Variants in AK5 observed in about 807,000 individuals in gnomAD.
The protein encoded by AK5 is adenylate kinase 5, also known as adenylate kinase isoenzyme 5.
Under a neutral mutation model 69.5 loss-of-function variants are expected in AK5, and 27 were observed. That is an observed-to-expected ratio of 0.39 (90% CI 0.29 to 0.54). The LOEUF (loss-of-function observed/expected upper bound fraction) is 0.54, where lower values mean the gene tolerates loss of function less well. AK5 is among the 20% of genes least tolerant of loss of function. The pLI, the probability that AK5 is intolerant of heterozygous loss-of-function variation, is 0.71. For missense variants in AK5, 531 were observed against 700.4 expected (o/e 0.76, Z 2.73); for synonymous variants, 260 against 244.4 (o/e 1.06, Z -0.60).
At position 77,404,333 on chromosome 1, in the gene AK5, G is replaced by A. The variant is rs181377801; in HGVS notation, c.892-6648G>A. ...CAAGTAGCCCCCTGACCCCCTGCAAGTGTGACAACCAAAAATGTCTCCTGC... is the reference window on the plus strand; with the variant it reads ...CAAGTAGCCCCCTGACCCCCTGCAAATGTGACAACCAAAAATGTCTCCTGC... On this transcript the variant is annotated intron_variant, in intron 6 of 13. Coordinates refer to ENST00000354567, the MANE Select transcript of AK5 (RefSeq NM_174858.3). Among the ~76,000 whole-genome samples, 5 of 152,130 alleles carry A rather than the reference G, an allele frequency of 3.3e-5. No homozygotes were observed. The East Asian group carries it at 5.8e-4, about 18-fold the overall frequency.
At chr1:77,438,294 C>CAAAAAAAAAA (rs56019139) in intron 8 of AK5, among the ~76,000 whole-genome samples, 1 of 52,780 alleles carries the variant, frequency 1.9e-5, no homozygotes, top group African/African-American at 5.8e-5. Context: ...ATATTTGGTA[C>CAAAAAAAAAA]AAAAAAAAAA....
intron 6 of AK5, among the ~76,000 whole-genome samples, chr1:77,406,405 G>A (rs1020904775): frequency 1.3e-5 from 2 of 152,094 alleles, no homozygotes; most frequent in Non-Finnish European, 2.9e-5. Flanking sequence ...AAGAAATCAA[G>A]GTGGCTAGAG....
chr1:77,430,628 T>C (rs1357084939), intron 8 of AK5, among the ~76,000 whole-genome samples: 1 of 152,160 alleles, frequency 6.6e-6, no homozygotes. Context: ...AGAGGCTCTA[T>C]AGCTGAACAC....
chr1:77,429,899 T>G (rs1455221093), intron 8 of AK5, among the ~76,000 whole-genome samples: 1 of 152,098 alleles, frequency 6.6e-6, no homozygotes, highest in Admixed American at 6.5e-5. Flanking sequence ...AAGCATGGCA[T>G]CCAAAAGAAG....
chr1:77,310,564 G>A (rs758966548), intron 5 of AK5, among the ~76,000 whole-genome samples: 1 of 151,838 alleles, frequency 6.6e-6, no homozygotes, highest in Non-Finnish European at 1.5e-5. Flanking sequence ...TGTATTTTTA[G>A]TAGAGACGGG....
At chr1:77,523,389 A>C (rs1328266239) in intron 12 of AK5, among the ~76,000 whole-genome samples, 1 of 152,140 alleles carries the variant, frequency 6.6e-6, no homozygotes, top group Non-Finnish European at 1.5e-5. Flanking sequence ...GATGGGGGAC[A>C]CTCACATGCC....
chr1:77,360,684 A>C (rs931606690), intron 6 of AK5, among the ~76,000 whole-genome samples: 3 of 152,184 alleles, frequency 2.0e-5, no homozygotes, highest in African/African-American at 7.2e-5. Context: ...GTTTTTGGGA[A>C]TGAGAGACTT....
rs1651221085 is a variant in AK5, at chr1:77,426,519, T to A, written c.1059+8804T>A. 2.6e-5 allele frequency among the ~76,000 whole-genome samples: 4 copies of A among 152,174 alleles called. No individual in the cohort carries two copies. In the South Asian group the frequency reaches 8.3e-4, roughly 31 times the overall value. Reference sequence around the variant, plus strand: ...AGAATAGCAAGGAGAAATAAGTGAATTCACTATTATAGCTGGAGACTTCAA... The same window carrying A: ...AGAATAGCAAGGAGAAATAAGTGAAATCACTATTATAGCTGGAGACTTCAA... On this transcript the variant is annotated intron_variant, in intron 8 of 13. Transcript: ENST00000354567.
At chr1:77,367,361 C>T (rs956761692) in intron 6 of AK5, among the ~76,000 whole-genome samples, 1 of 150,172 alleles carries the variant, frequency 6.7e-6, no homozygotes, top group Non-Finnish European at 1.5e-5. Flanking sequence ...CAGGATCTCA[C>T]TCTGTCACCC....
At chr1:77,430,552 T>C in intron 8 of AK5, among the ~76,000 whole-genome samples, 1 of 152,176 alleles carries the variant, frequency 6.6e-6, no homozygotes, top group East Asian at 1.9e-4. Context: ...GTGAGCCTTT[T>C]TAATATAGAT....
rs981367370 is a variant in AK5, at chr1:77,418,396, G to A, written c.1059+681G>A. ...ACTGGCTCCCTCTCACAACATGTGGGAATTATGGGAGCTACAAGATGAGAT... is the reference window on the plus strand; with the variant it reads ...ACTGGCTCCCTCTCACAACATGTGGAAATTATGGGAGCTACAAGATGAGAT... On this transcript the variant is annotated intron_variant, in intron 8 of 13. Coordinates refer to ENST00000354567, the MANE Select transcript of AK5 (RefSeq NM_174858.3). 6.6e-5 allele frequency among the ~76,000 whole-genome samples: 10 copies of A among 152,294 alleles called. No homozygotes were observed. In the East Asian group the frequency reaches 9.6e-4, roughly 15 times the overall value.
chr1:77,376,451 C>CAAAAAAAAAACAA (rs1647251959), intron 6 of AK5, among the ~76,000 whole-genome samples: 11 of 41,036 alleles, frequency 2.7e-4, no homozygotes, highest in African/African-American at 9.9e-4. Flanking sequence ...AAAAAAAAAA[C>CAAAAAAAAAACAA]AAAAAAAAAA....
intron 5 of AK5, among the ~76,000 whole-genome samples, chr1:77,324,351 G>GTGTC (rs1305385424): frequency 1.4e-5 from 2 of 140,486 alleles, no homozygotes; most frequent in Non-Finnish European, 3.1e-5. Flanking sequence ...GTGTGTGTGT[G>GTGTC]TGTCTTACTC....
Position 77,347,129 on chromosome 1 carries a change from C to T in AK5, c.891+6561C>T, listed in dbSNP as rs974540608. 4.6e-5 allele frequency among the ~76,000 whole-genome samples: 7 copies of T among 152,052 alleles called. No individual in the cohort carries two copies. The East Asian group carries it at 1.2e-3, about 25-fold the overall frequency. On this transcript the variant is annotated intron_variant, in intron 6 of 13. Transcript: ENST00000354567. Reference sequence around the variant, plus strand: ...AGTTTTTAAAGGTTAATAGGAAAGGCCATGGAAGTATTCTGGAAGATATTT... The same window carrying T: ...AGTTTTTAAAGGTTAATAGGAAAGGTCATGGAAGTATTCTGGAAGATATTT...
chr1:77,416,143 A>C (rs896755941), intron 7 of AK5, among the ~76,000 whole-genome samples: 1 of 152,194 alleles, frequency 6.6e-6, no homozygotes, highest in African/African-American at 2.4e-5. Flanking sequence ...TGGCCCCAAA[A>C]TACACCTTAC....
At chr1:77,557,721 A>G (rs1284860734) in intron 13 of AK5, among the ~76,000 whole-genome samples, 1 of 152,158 alleles carries the variant, frequency 6.6e-6, no homozygotes, top group Non-Finnish European at 1.5e-5. Flanking sequence ...TCTCATTTTA[A>G]GTAACTCCGA....
intron 3 of AK5, among the ~76,000 whole-genome samples, chr1:77,294,183 C>T (rs1658855946): frequency 6.6e-6 from 1 of 151,902 alleles, no homozygotes; most frequent in Admixed American, 6.6e-5. Flanking sequence ...TCATAGATTC[C>T]CAATAAAAGG....
intron 5 of AK5, among the ~76,000 whole-genome samples, chr1:77,316,893 A>T (rs1660271642): frequency 6.6e-6 from 1 of 152,198 alleles, no homozygotes; most frequent in Non-Finnish European, 1.5e-5. Flanking sequence ...CAATATCCAA[A>T]CTTTGTGTAA....
At chr1:77,423,901 T>C (rs1382251873) in intron 8 of AK5, among the ~76,000 whole-genome samples, 1 of 152,092 alleles carries the variant, frequency 6.6e-6, no homozygotes, top group African/African-American at 2.4e-5. Flanking sequence ...AAGAAACTAC[T>C]TTACCAGGGC....
Sources: gnomAD v4.1 joint callset for allele counts (sites outside exome capture counted in the v4.1 genomes callset) on GRCh38, gnomAD v4.1.1 for gene constraint, MANE v1.5 for transcripts, NCBI Gene and HGNC (gene_info 2026-07-23, HGNC 2026-07-21) for gene names.